Variants in SNX27 observed in about 807,000 individuals in gnomAD.
SNX27 encodes sorting nexin-27.
A neutral mutation model predicts 71.6 loss-of-function variants in SNX27; 22 were observed. The ratio of observed to expected loss-of-function variants is 0.31; its 90% CI spans 0.22 to 0.44. The LOEUF (loss-of-function observed/expected upper bound fraction) is 0.44. Among genes scored for constraint, SNX27 ranks in the 20% least tolerant of loss-of-function variants. The probability of loss-of-function intolerance (pLI) is 1.00; values close to 1 mark genes in which losing one functional copy is unlikely to be tolerated. For missense variants in SNX27, 531 were observed against 698.6 expected (o/e 0.76, Z 2.70); for synonymous variants, 269 against 277.2 (o/e 0.97, Z 0.29).
chr1:151,655,369 C>T (rs970332374), intron 2 of SNX27, among the ~76,000 whole-genome samples: 3 of 152,114 alleles, frequency 2.0e-5, no homozygotes, highest in Admixed American at 6.5e-5. Flanking sequence ...TTACTGCTCC[C>T]GGCTGATAAT....
At chr1:151,670,490 G>T (rs985860733) in intron 7 of SNX27, among the ~76,000 whole-genome samples, 2 of 152,134 alleles carry the variant, frequency 1.3e-5, no homozygotes, top group African/African-American at 4.8e-5. Flanking sequence ...CTGAGTGGTT[G>T]TACAAGTTAC....
Position 151,694,406 on chromosome 1 carries a change from G to A in SNX27, c.1615G>A (p.Val539Met). 6.5e-7 allele frequency: 1 copy of A among 1,549,418 alleles called. No individual in the cohort carries two copies. Among genetic ancestry groups the A allele is most frequent in the Non-Finnish European group, 8.7e-7 (1 of 1,146,608 alleles). ...FQMARSQQRD[V>M]AT is the part of the protein sequence containing the mutation. ...GATGGCGAGGTCACAGCAGAGAGAT[G>A]TGGCCACCTAGCCTTTCCTTATCCC... Residue 539 changes from valine (V) to methionine (M), a missense_variant, in exon 12 of 12, where the codon GTG (valine) becomes ATG (methionine). By Grantham distance (21) the Val-to-Met change is conservative. Coordinates refer to ENST00000458013, the MANE Select transcript of SNX27 (RefSeq NM_001330723.2).
intron 1 of SNX27, among the ~76,000 whole-genome samples, chr1:151,624,886 A>T (rs1310709003): frequency 3.3e-5 from 5 of 152,144 alleles, no homozygotes; most frequent in Non-Finnish European, 7.4e-5. Flanking sequence ...AGAAGGTTTG[A>T]GGAATCTGTA....
intron 1 of SNX27, among the ~76,000 whole-genome samples, chr1:151,617,097 C>T (rs918066506): frequency 3.3e-5 from 5 of 152,068 alleles, no homozygotes; most frequent in African/African-American, 9.7e-5. Context: ...AGTGGAAAAT[C>T]AGTTAAATAC....
intron 1 of SNX27, among the ~76,000 whole-genome samples, chr1:151,635,946 C>A (rs1274868018): frequency 4.6e-5 from 7 of 151,870 alleles, no homozygotes; most frequent in African/African-American, 1.7e-4. Context: ...TGTGAGTGAC[C>A]CAAGGAACGG....
chr1:151,651,382 AC>A (rs1284815875), intron 2 of SNX27, among the ~76,000 whole-genome samples: 10 of 130,278 alleles, frequency 7.7e-5, no homozygotes, highest in African/African-American at 1.2e-4. Flanking sequence ...CGGGGGGCTG[AC>A]CCCCCCCACC....
At chr1:151,650,950 G>A (rs1669309404) in intron 2 of SNX27, among the ~76,000 whole-genome samples, 1 of 152,214 alleles carries the variant, frequency 6.6e-6, no homozygotes, top group Admixed American at 6.5e-5. Context: ...TCCCAAGGCA[G>A]AAGAAGTTTT....
intron 2 of SNX27, among the ~76,000 whole-genome samples, chr1:151,647,265 C>T (rs1244041655): frequency 1.3e-5 from 2 of 151,844 alleles, no homozygotes; most frequent in African/African-American, 2.4e-5. Flanking sequence ...ATTCTCCTGC[C>T]TCAGCCTTCC....
chr1:151,629,025 T>C (rs925517713), intron 1 of SNX27, among the ~76,000 whole-genome samples: 1 of 152,194 alleles, frequency 6.6e-6, no homozygotes, highest in African/African-American at 2.4e-5. Flanking sequence ...TGGATCATGC[T>C]TTTTGGTGTT....
At position 151,649,331 on chromosome 1, in the gene SNX27, C is replaced by A. The variant is rs192928932; in HGVS notation, c.544-8904C>A. ...AAAAAACAATCACTCCATTGTAATC[C>A]CAGCACTTTGGGAGGCTGAGGCAGC... On this transcript the variant is annotated intron_variant, in intron 2 of 11. Transcript: ENST00000458013. Among the ~76,000 whole-genome samples, 1,276 of 151,892 alleles carry A rather than the reference C, an allele frequency of 8.4e-3. 14 individuals are homozygous for A. The highest frequency in any genetic ancestry group is 0.012 in the Non-Finnish European group (849 of 67,960).
rs747694530 is a variant in SNX27, at chr1:151,683,467, C to T, written c.1239+22C>T. 4 of 1,582,422 alleles carry T rather than the reference C, an allele frequency of 2.5e-6. No individual in the cohort carries two copies. In the East Asian group the frequency reaches 6.7e-5, roughly 27 times the overall value. ...CATGGTAAGTTTATGTCCCCATAAT[C>T]CCTTTAAAAATGCCCCTTCCTACCT... On this transcript the variant is annotated intron_variant, in intron 8 of 11. Coordinates refer to ENST00000458013, the MANE Select transcript of SNX27 (RefSeq NM_001330723.2).
Position 151,694,394 on chromosome 1 carries a change from C to T in SNX27, c.1603C>T (p.Gln535Ter). The change falls in exon 12 of 12, where the codon CAG (glutamine) becomes TAG (stop). Residue 535 changes from glutamine (Q) to a stop codon, truncating the protein, a stop_gained. Transcript: ENST00000458013. LOFTEE classifies it high-confidence loss of function. ...GAACATTTTCCAGATGGCGAGGTCA[C>T]AGCAGAGAGATGTGGCCACCTAGCC... The part of the protein sequence containing the change: ...KENIFQMARS[Q>*]QRDVAT 1 of 1,550,116 alleles carries T rather than the reference C, an allele frequency of 6.5e-7. No individual in the cohort carries two copies. Among genetic ancestry groups the T allele is most frequent in the South Asian group, 1.2e-5 (1 of 84,014 alleles).
chr1:151,666,404 T>C (rs1670190919), intron 6 of SNX27: 2 of 156,556 alleles, frequency 1.3e-5, no homozygotes, highest in Admixed American at 1.3e-4. Flanking sequence ...GTTAGGAAGA[T>C]ATGTGTTGGT....
intron 5 of SNX27, among the ~76,000 whole-genome samples, 174 bp from the exon 6 acceptor site, chr1:151,665,759 T>C (rs192476674): frequency 2.6e-5 from 4 of 152,306 alleles, no homozygotes; most frequent in Non-Finnish European, 5.9e-5. Context: ...TATGCGTGCA[T>C]GCATGTACAC....
Position 151,696,713 on chromosome 1 carries a change from G to C in SNX27, c.*2296G>C, listed in dbSNP as rs1157388314. ...CGCCCAGGTTGGAGTGCAGTGGCAC[G>C]ATCTCGGCTCACTGCACCCTCTGCC... is the stretch of plus-strand genomic sequence containing the variant. On this transcript the variant is annotated 3_prime_UTR_variant, in exon 12 of 12. Coordinates refer to ENST00000458013, the MANE Select transcript of SNX27 (RefSeq NM_001330723.2). 1.4e-5 allele frequency: 2 copies of C among 142,930 alleles called. No homozygotes were observed. Among genetic ancestry groups the C allele is most frequent in the African/African-American group, 2.6e-5 (1 of 38,304 alleles). 8.9% of individuals were successfully genotyped at this position (142,930 alleles called of 1,614,324 possible). A position where few individuals can be genotyped will look rare whatever the true frequency, so the allele number is the denominator to read the frequency against.
rs751034029 is a variant in SNX27, at chr1:151,665,934, C to G, written c.908C>G (p.Ala303Gly). Residue 303 changes from alanine (A) to glycine (G), a missense_variant and splice_region_variant, in exon 6 of 12, where the codon GCT becomes GGT. Around this residue, in one of 5 missense-constraint regions of SNX27, gnomAD observed 184 missense variants for 289.6 expected, o/e 0.64. Transcript: ENST00000458013. Reference sequence around the variant, plus strand: ...CCAATCTATCCTGTTTAACCTTAGGCTATCGCAGCAAAGGTTGGCATGGAC... The same window carrying G: ...CCAATCTATCCTGTTTAACCTTAGGGTATCGCAGCAAAGGTTGGCATGGAC... The part of the protein sequence containing the change: ...KNSTTDQVYQ[A>G]IAAKVGMDST... 19 of 1,598,214 alleles carry G rather than the reference C, an allele frequency of 1.2e-5. 1 individual carries two copies. The highest frequency in any genetic ancestry group is 1.6e-5 in the Non-Finnish European group (19 of 1,170,196).
intron 7 of SNX27, among the ~76,000 whole-genome samples, chr1:151,674,837 C>T (rs1177583703): frequency 6.6e-6 from 1 of 152,094 alleles, no homozygotes; most frequent in African/African-American, 2.4e-5. Flanking sequence ...CAGGCACCCA[C>T]CAACACACCC....
intron 8 of SNX27, among the ~76,000 whole-genome samples, chr1:151,687,191 T>C (rs1671221184): frequency 6.6e-6 from 1 of 152,246 alleles, no homozygotes; most frequent in Non-Finnish European, 1.5e-5. Flanking sequence ...GCTTTTCTTA[T>C]GTTGAAGTGG....
rs1285889523 is a variant in SNX27 at position 151,698,702 on chromosome 1, A to C, written c.*4285A>C. 1 of 152,510 alleles carries C rather than the reference A, an allele frequency of 6.6e-6. No individual in the cohort carries two copies. The highest frequency in any genetic ancestry group is 2.4e-5 in the African/African-American group (1 of 41,442). 9.4% of individuals were successfully genotyped at this position (152,510 alleles called of 1,614,324 possible). A position where few individuals can be genotyped will look rare whatever the true frequency, so the allele number is the denominator to read the frequency against. The stretch of plus-strand genomic sequence containing the variant: ...CAGCAATAATCTAGGGTATGTGGGA[A>C]GGTCAGGGCTGTGGTAAGGAATAGA... On this transcript the variant is annotated 3_prime_UTR_variant, in exon 12 of 12. Coordinates refer to ENST00000458013, the MANE Select transcript of SNX27 (RefSeq NM_001330723.2).
Sources: gnomAD v4.1 joint callset for allele counts (sites outside exome capture counted in the v4.1 genomes callset) on GRCh38, gnomAD v4.1.1 for gene constraint, gnomAD v4.1.1 regional missense constraint, MANE v1.5 for transcripts, NCBI Gene and HGNC (gene_info 2026-07-23, HGNC 2026-07-21) for gene names.